OPCML: variants seen among roughly 807,000 people sequenced by gnomAD.
The protein encoded by OPCML is opioid-binding protein/cell adhesion molecule.
Under a neutral mutation model 37.8 loss-of-function variants are expected in OPCML, and 13 were observed. The ratio of observed to expected loss-of-function variants is 0.34; its 90% confidence interval spans 0.22 to 0.55. The LOEUF (loss-of-function observed/expected upper bound fraction) is 0.55. Among genes scored for constraint, OPCML ranks in the 20% least tolerant of loss-of-function variants. The probability of loss-of-function intolerance (pLI) is 0.91; values close to 1 mark genes in which losing one functional copy is unlikely to be tolerated. For missense variants in OPCML, 341 were observed against 435.6 expected (o/e 0.78, Z 1.93); for synonymous variants, 176 against 168.8 (o/e 1.04, Z -0.33).
intron 1 of OPCML, among the ~76,000 whole-genome samples, chr11:133,325,325 TA>T (rs1943425205): frequency 6.6e-6 from 1 of 152,188 alleles, no homozygotes; most frequent in Non-Finnish European, 1.5e-5. Context: ...CGGATGGCAT[TA>T]TTTGGGGTGC....
Position 132,848,021 on chromosome 11 carries a change from TG to T in OPCML, c.146+94904del, listed in dbSNP as rs1278498632. Among the ~76,000 whole-genome samples, 22 of 152,136 alleles carry T rather than the reference TG, an allele frequency of 1.4e-4. 1 individual carries two copies. Among genetic ancestry groups the T allele is most frequent in the Admixed American group, 1.4e-3 (22 of 15,276 alleles). On this transcript the variant is annotated intron_variant, in intron 2 of 7. Transcript: ENST00000524381. Reference sequence around the variant, plus strand: ...CACAGGGCAGATTGCCCTGTGGACATGGACAGTGAAATTGATCAAGTCCCTA... The same window carrying T: ...CACAGGGCAGATTGCCCTGTGGACATGACAGTGAAATTGATCAAGTCCCTA...
rs757244446 is a variant in OPCML, at chr11:132,843,089, TTTC to T, written c.146+99834_146+99836del. ...TGTTTTAAAGTGTGGTTCCTTTTTC[TTTC>T]TTTTTTTTTTTTTTTGAGATGGAAT... On this transcript the variant is annotated intron_variant, in intron 2 of 7. Coordinates refer to ENST00000524381, the MANE Select transcript of OPCML (RefSeq NM_001012393.5). Among the ~76,000 whole-genome samples the T allele has an allele frequency of 2.4e-3, 108 of 44,744 alleles. 4 individuals are homozygous for T. The highest frequency in any genetic ancestry group is 3.2e-3 in the Non-Finnish European group (55 of 17,336). The allele number at this position is 44,744 out of a possible 152,430, so 29.4% of individuals were successfully genotyped here.
intron 1 of OPCML, among the ~76,000 whole-genome samples, chr11:133,132,568 A>G (rs948759462): frequency 6.6e-6 from 1 of 152,184 alleles, no homozygotes; most frequent in Admixed American, 6.5e-5. Flanking sequence ...TAATATTCAT[A>G]TCAACTTTAT....
chr11:132,828,654 T>C (rs1940508917), intron 2 of OPCML, among the ~76,000 whole-genome samples: 1 of 152,240 alleles, frequency 6.6e-6, no homozygotes, highest in Admixed American at 6.5e-5. Context: ...TTTTTATTGT[T>C]TAATATTTCT....
intron 2 of OPCML, among the ~76,000 whole-genome samples, chr11:132,922,319 G>T (rs944768932): frequency 6.6e-6 from 1 of 152,146 alleles, no homozygotes; most frequent in Non-Finnish European, 1.5e-5. Context: ...GAGACAATCT[G>T]ATTTTATCTC....
intron 1 of OPCML, among the ~76,000 whole-genome samples, chr11:133,191,504 G>GTGTGTGTGT (rs1565494837): frequency 1.3e-4 from 19 of 142,458 alleles, no homozygotes; most frequent in African/African-American, 2.9e-4. Flanking sequence ...TGTGTGTGTG[G>GTGTGTGTGT]GTGTGTGTGT....
intron 1 of OPCML, among the ~76,000 whole-genome samples, chr11:133,379,509 G>C (rs1944888041): frequency 6.6e-6 from 1 of 152,152 alleles, no homozygotes; most frequent in Non-Finnish European, 1.5e-5. Flanking sequence ...TTTTTTGTTT[G>C]CTTTTAAACG....
At chr11:132,645,683 T>G (rs143784516) in intron 3 of OPCML, among the ~76,000 whole-genome samples, 157 of 152,336 alleles carry the variant, frequency 1.0e-3, no homozygotes, top group African/African-American at 3.6e-3. Flanking sequence ...CTGGAATTTT[T>G]TTAAAAAGCC....
At chr11:133,079,916 C>T (rs559848470) in intron 1 of OPCML, among the ~76,000 whole-genome samples, 64 of 152,326 alleles carry the variant, frequency 4.2e-4, no homozygotes, top group African/African-American at 1.3e-3. Flanking sequence ...AGGCATCACT[C>T]TCCCTTTTCA....
chr11:133,472,150 T>C (rs1451986887), intron 1 of OPCML, among the ~76,000 whole-genome samples: 6 of 152,124 alleles, frequency 3.9e-5, no homozygotes. Flanking sequence ...GAGATGAAGC[T>C]CTTTTAGTTG....
chr11:132,755,361 C>A (rs542299796), intron 2 of OPCML, among the ~76,000 whole-genome samples: 4 of 152,136 alleles, frequency 2.6e-5, no homozygotes, highest in Non-Finnish European at 5.9e-5. Context: ...ATATAATCAA[C>A]AAACATTCCT....
chr11:132,870,415 T>A (rs1942750546), intron 2 of OPCML, among the ~76,000 whole-genome samples: 1 of 152,170 alleles, frequency 6.6e-6, no homozygotes, highest in Admixed American at 6.5e-5. Context: ...GGTGGGGATG[T>A]CAATTAGTAC....
intron 1 of OPCML, among the ~76,000 whole-genome samples, chr11:133,484,002 T>C (rs1024078931): frequency 2.0e-5 from 3 of 149,242 alleles, no homozygotes; most frequent in African/African-American, 7.6e-5. Context: ...GCTAGCTAGA[T>C]AGATAGATAG....
At chr11:133,003,710 G>C in intron 1 of OPCML, 3 of 985,376 alleles carry the variant, frequency 3.0e-6, no homozygotes, top group Non-Finnish European at 2.4e-6. Context: ...ATGAATTAAA[G>C]TCCCTACTTC....
At chr11:133,480,139 C>A (rs558241966) in intron 1 of OPCML, among the ~76,000 whole-genome samples, 1 of 152,336 alleles carries the variant, frequency 6.6e-6, no homozygotes, top group East Asian at 1.9e-4. Context: ...CACCCCTTCC[C>A]TTCCCTTGAT....
chr11:132,662,412 C>CAAAAA lies in OPCML; in HGVS notation c.147-5098_147-5094dup, dbSNP rs57243826. Reference sequence around the variant, plus strand: ...TTTTTATATTTTGTCTTTGAAAATGCAAAAAAAAAAAAAAAAAGTGCCAAG... The same window carrying CAAAAA: ...TTTTTATATTTTGTCTTTGAAAATGCAAAAAAAAAAAAAAAAAAAAAAGTGCCAAG... On this transcript the variant is annotated intron_variant, in intron 2 of 7. Transcript: ENST00000524381. Among the ~76,000 whole-genome samples the CAAAAA allele has an allele frequency of 9.9e-3, 1,190 of 119,850 alleles. 14 individuals carry two copies. Among genetic ancestry groups the CAAAAA allele is most frequent in the African/African-American group, 0.023 (781 of 34,038 alleles). The allele number at this position is 119,850 out of a possible 152,430, so 78.6% of individuals were successfully genotyped here.
intron 1 of OPCML, among the ~76,000 whole-genome samples, chr11:133,334,498 G>A (rs1311799471): frequency 6.6e-6 from 1 of 152,146 alleles, no homozygotes; most frequent in Non-Finnish European, 1.5e-5. Flanking sequence ...CTACTTGATG[G>A]GGAGGGTGGG....
At chr11:133,466,329 G>A (rs1946976563) in intron 1 of OPCML, among the ~76,000 whole-genome samples, 1 of 152,204 alleles carries the variant, frequency 6.6e-6, no homozygotes, top group African/African-American at 2.4e-5. Context: ...AGATTACTCT[G>A]GATCAGTGGC....
rs571043007 is a variant in OPCML at position 132,479,367 on chromosome 11, G to C, written c.506-42008C>G. ...TATTATATCCCACACGTGGCTCGGA[G>C]GGTCCTATGCCCACGGAATCTCGCT... On this transcript the variant is annotated intron_variant, in intron 4 of 7. Transcript: ENST00000524381. Among the ~76,000 whole-genome samples, 115 of 152,328 alleles carry C rather than the reference G, an allele frequency of 7.5e-4. 1 individual carries two copies. The highest frequency in any genetic ancestry group is 2.5e-3 in the African/African-American group (105 of 41,582).
Sources: gnomAD v4.1 joint callset for allele counts (sites outside exome capture counted in the v4.1 genomes callset) on GRCh38, gnomAD v4.1.1 for gene constraint, MANE v1.5 for transcripts, NCBI Gene and HGNC (gene_info 2026-07-23, HGNC 2026-07-21) for gene names.